The following GABRR3 variants were observed in gnomAD, a reference collection of about 807,000 sequenced individuals.
GABRR3 encodes gamma-aminobutyric acid receptor subunit rho-3.
Under a neutral mutation model 43.2 loss-of-function variants are expected in GABRR3, and 29 were observed. The ratio of observed to expected loss-of-function variants is 0.67; its 90% CI spans 0.50 to 0.92. The LOEUF (loss-of-function observed/expected upper bound fraction) is 0.92, where lower values mean the gene tolerates loss of function less well. Among genes scored for constraint, GABRR3 ranks in the 40% least tolerant of loss-of-function variants. The probability of loss-of-function intolerance (pLI) is 0.00; values close to 1 mark genes in which losing one functional copy is unlikely to be tolerated. For missense variants in GABRR3, 576 were observed against 572.3 expected, an observed-to-expected ratio of 1.01 and a Z score of -0.07; for synonymous variants, 206 against 195.9, an observed-to-expected ratio of 1.05 and a Z score of -0.43.
chr3:98,001,461 G>A, intron 8 of GABRR3, 154 bp downstream of exon 8: 2 of 747,622 alleles, frequency 2.7e-6, no homozygotes, highest in South Asian at 4.3e-5. Context: ...TTGCCCTTGA[G>A]GATGTCAAGA....
chr3:97,989,361 TGTG>T (rs1351083858), intron 9 of GABRR3, among the ~76,000 whole-genome samples: 1 of 145,038 alleles, frequency 6.9e-6, no homozygotes, highest in African/African-American at 2.6e-5. Context: ...GTGGGTGGTG[TGTG>T]GTGGTGTTTG....
chr3:97,995,690 A>C (rs1482899082), intron 8 of GABRR3, among the ~76,000 whole-genome samples: 3 of 152,110 alleles, frequency 2.0e-5, no homozygotes, highest in Admixed American at 6.6e-5. Flanking sequence ...TAAATTCCTA[A>C]AGCAATAGAA....
intron 2 of GABRR3, among the ~76,000 whole-genome samples, chr3:98,030,778 A>C (rs1290651260): frequency 6.6e-6 from 1 of 152,224 alleles, no homozygotes; most frequent in African/African-American, 2.4e-5. Flanking sequence ...GAACCAGTGC[A>C]CACTGAAACT....
chr3:98,010,490 A>G (rs1174816142), intron 5 of GABRR3, among the ~76,000 whole-genome samples: 2 of 152,064 alleles, frequency 1.3e-5, no homozygotes, highest in Admixed American at 6.6e-5. Flanking sequence ...TAGTAGCTCA[A>G]AGTCTCCACC....
At chr3:98,001,675 T>G in exon 8 of GABRR3, 1 of 1,613,364 alleles carries the variant, frequency 6.2e-7, no homozygotes, top group Non-Finnish European at 8.5e-7. Flanking sequence ...CATGAAAGCA[T>G]CACCATCAAT....
downstream of GABRR3, among the ~76,000 whole-genome samples, chr3:97,985,457 T>G (rs1417701577): frequency 2.0e-5 from 3 of 152,224 alleles, no homozygotes; most frequent in African/African-American, 4.8e-5. Flanking sequence ...GGAGATGTTC[T>G]TTTCCTTTCT....
chr3:98,021,072 T>C (rs937996970), intron 3 of GABRR3, among the ~76,000 whole-genome samples: 1 of 151,424 alleles, frequency 6.6e-6, no homozygotes, highest in Non-Finnish European at 1.5e-5. Context: ...ATCATGTTGG[T>C]CAGGCTGGTC....
At chr3:97,987,930 A>T (rs1706408475) in intron 9 of GABRR3, among the ~76,000 whole-genome samples, 1 of 151,616 alleles carries the variant, frequency 6.6e-6, no homozygotes, top group Non-Finnish European at 1.5e-5. Context: ...GACACACATC[A>T]CTACACTAGG....
At chr3:97,994,985 T>A (rs1367742447) in intron 8 of GABRR3, among the ~76,000 whole-genome samples, 1 of 152,124 alleles carries the variant, frequency 6.6e-6, no homozygotes, top group Non-Finnish European at 1.5e-5. Context: ...AATTTGAATT[T>A]TTTTTTTTTT....
intron 9 of GABRR3, among the ~76,000 whole-genome samples, chr3:97,990,401 G>A: frequency 6.6e-6 from 1 of 151,728 alleles, no homozygotes; most frequent in East Asian, 1.9e-4. Context: ...GGAGAGCAGT[G>A]GCAGTGGTGC....
chr3:98,017,341 T>A (rs1217574465), intron 4 of GABRR3, among the ~76,000 whole-genome samples: 3 of 152,222 alleles, frequency 2.0e-5, no homozygotes, highest in Non-Finnish European at 4.4e-5. Context: ...ACATATAGTA[T>A]GGTCATCCTT....
At chr3:98,029,864 C>A (rs1707063474) in intron 2 of GABRR3, among the ~76,000 whole-genome samples, 2 of 151,906 alleles carry the variant, frequency 1.3e-5, no homozygotes, top group African/African-American at 4.8e-5. Context: ...ACCTGTAATC[C>A]CAGCACTTTG....
exon 1 of GABRR3, chr3:98,035,238 C>A (rs191931233): frequency 4.3e-6 from 2 of 464,666 alleles, no homozygotes; most frequent in East Asian, 7.5e-5. Context: ...TTAAAATTTT[C>A]AGTTTACATC....
chr3:98,021,987 C>T (rs751891531), intron 3 of GABRR3, among the ~76,000 whole-genome samples: 3 of 152,172 alleles, frequency 2.0e-5, no homozygotes, highest in Non-Finnish European at 4.4e-5. Context: ...GGTTACAACA[C>T]GTGCCTGAAA....
At chr3:98,025,809 C>T in intron 2 of GABRR3, 130 bp from the exon 3 acceptor site, 1 of 580,960 alleles carries the variant, frequency 1.7e-6, no homozygotes, top group South Asian at 2.6e-5. Flanking sequence ...TTTCTCAGTT[C>T]ATATTAAGCC....
chr3:98,020,877 T>C (rs1448375934), intron 3 of GABRR3, among the ~76,000 whole-genome samples: 2 of 148,634 alleles, frequency 1.3e-5, no homozygotes, highest in African/African-American at 2.5e-5. Flanking sequence ...TTTCTTTTTT[T>C]TTTTTTTTTT....
chr3:98,007,532 G>A (rs962931586), intron 7 of GABRR3, among the ~76,000 whole-genome samples: 11 of 152,338 alleles, frequency 7.2e-5, no homozygotes, highest in Admixed American at 6.5e-4. Context: ...CTGCTGTATT[G>A]AGACTGGAGA....
At chr3:97,998,639 T>C (rs1706592205) in intron 8 of GABRR3, 1 of 152,134 alleles carries the variant, frequency 6.6e-6, no homozygotes, top group Non-Finnish European at 1.5e-5. Context: ...CTTTTCAAAC[T>C]ATGTATCTGA....
intron 1 of GABRR3, 50 bp from the exon 2 acceptor site, chr3:98,035,039 G>C: frequency 6.4e-7 from 1 of 1,569,700 alleles, no homozygotes; most frequent in Non-Finnish European, 8.7e-7. Context: ...AACCAATACT[G>C]TGATCACAGT....
Sources: allele counts gnomAD v4.1 joint callset (sites outside exome capture counted in the v4.1 genomes callset), GRCh38; gene constraint gnomAD v4.1.1; transcripts MANE v1.5; gene names NCBI Gene and HGNC (gene_info 2026-07-23, HGNC 2026-07-21).